The following PDE1C variants were observed in gnomAD, a reference collection of about 807,000 sequenced individuals.
PDE1C encodes the protein dual specificity calcium/calmodulin-dependent 3',5'-cyclic nucleotide phosphodiesterase 1C.
In PDE1C, 62 loss-of-function variants were observed where a neutral mutation model predicts 93.1. The ratio of observed to expected loss-of-function variants is 0.67; its 90% CI spans 0.54 to 0.82. The LOEUF (loss-of-function observed/expected upper bound fraction) is 0.82, where lower values mean the gene tolerates loss of function less well. Among genes scored for constraint, PDE1C ranks in the 40% least tolerant of loss-of-function variants. The pLI, the probability that PDE1C is intolerant of heterozygous loss-of-function variation, is 0.00. For missense variants in PDE1C, 742 were observed against 884.6 expected (o/e 0.84, Z 2.04); for synonymous variants, 325 against 310.1 (o/e 1.05, Z -0.50).
chr7:31,621,721 ACAT>A, the PDE1C span, among the ~76,000 whole-genome samples: 3 of 146,846 alleles, frequency 2.0e-5, no homozygotes, highest in African/African-American at 7.7e-5. Flanking sequence ...TAACCAGCTA[ACAT>A]CATAATGACA....
At chr7:31,646,663 T>C in the PDE1C span, among the ~76,000 whole-genome samples, 3 of 152,102 alleles carry the variant, frequency 2.0e-5, no homozygotes, top group African/African-American at 7.2e-5. Flanking sequence ...CAGCTGGAAA[T>C]AGATGTTCCT....
chr7:31,844,999 T>A (rs557709842), intron 9 of PDE1C, among the ~76,000 whole-genome samples: 1 of 152,236 alleles, frequency 6.6e-6, no homozygotes, highest in African/African-American at 2.4e-5. Flanking sequence ...AACTTTGTTT[T>A]TAATTTATGT....
At chr7:31,675,402 C>A in the PDE1C span, among the ~76,000 whole-genome samples, 1 of 152,078 alleles carries the variant, frequency 6.6e-6, no homozygotes, top group Admixed American at 6.5e-5. Context: ...ATTAACTCCC[C>A]CTTTGAAACC....
intron 3 of PDE1C, among the ~76,000 whole-genome samples, chr7:32,100,357 T>C (rs931693791): frequency 6.6e-6 from 1 of 152,234 alleles, no homozygotes; most frequent in Non-Finnish European, 1.5e-5. Flanking sequence ...AGTCATCCAG[T>C]GCCATAAATT....
chr7:31,679,893 C>T, the PDE1C span, among the ~76,000 whole-genome samples: 1 of 152,130 alleles, frequency 6.6e-6, no homozygotes. Context: ...TTCTCAGAAT[C>T]TGGGCAATTC....
intron 2 of PDE1C, among the ~76,000 whole-genome samples, chr7:31,906,475 T>C (rs1800597373): frequency 6.7e-6 from 1 of 148,962 alleles, no homozygotes; most frequent in East Asian, 2.0e-4. Context: ...GTGAGGTACA[T>C]TTCCTTTGGG....
rs150635338 is a variant in PDE1C at position 32,094,878 on chromosome 7, AAC to A, written c.308+74905_308+74906del. On this transcript the variant is annotated intron_variant, in intron 3 of 18. Transcript: ENST00000396193. Reference sequence around the variant, plus strand: ...CCTCACCAGCCCTGCAAACTTGTCTAACCTCCAACCACACTGCTTGGAGTTCA... The same window carrying A: ...CCTCACCAGCCCTGCAAACTTGTCTACTCCAACCACACTGCTTGGAGTTCA... Among the ~76,000 whole-genome samples, 590 of 152,226 alleles carry A rather than the reference AAC, an allele frequency of 3.9e-3. 6 individuals are homozygous for A. The highest frequency in any genetic ancestry group is 0.014 in the African/African-American group (572 of 41,540).
intron 1 of PDE1C, among the ~76,000 whole-genome samples, chr7:32,265,996 C>T (rs569921545): frequency 2.6e-5 from 4 of 151,520 alleles, no homozygotes; most frequent in Non-Finnish European, 2.9e-5. Context: ...CAAAGGTGGC[C>T]GGGCGCGGTG....
At chr7:32,065,694 G>A (rs954232284) in intron 1 of PDE1C, among the ~76,000 whole-genome samples, 1 of 152,102 alleles carries the variant, frequency 6.6e-6, no homozygotes, top group Non-Finnish European at 1.5e-5. Context: ...TTAAAAGTTC[G>A]GTTATATAGA....
intron 2 of PDE1C, among the ~76,000 whole-genome samples, chr7:31,957,126 C>T (rs60949052): frequency 0.14 from 21,149 of 150,096 alleles, 3,042 homozygotes; most frequent in African/African-American, 0.37. Context: ...GGTATTCAAA[C>T]AGAAATTTAA....
the PDE1C span, among the ~76,000 whole-genome samples, chr7:31,655,079 C>T: frequency 1.3e-5 from 2 of 152,280 alleles, no homozygotes; most frequent in East Asian, 1.9e-4. Context: ...GACCCTGATT[C>T]CCAGCTCTCT....
intron 2 of PDE1C, among the ~76,000 whole-genome samples, chr7:31,882,176 T>C (rs1797337531): frequency 6.6e-6 from 1 of 152,130 alleles, no homozygotes; most frequent in African/African-American, 2.4e-5. Context: ...ACAAATAACA[T>C]TAGATTCAGG....
At chr7:31,930,944 A>G (rs1804144759) in intron 2 of PDE1C, among the ~76,000 whole-genome samples, 1 of 152,034 alleles carries the variant, frequency 6.6e-6, no homozygotes, top group African/African-American at 2.4e-5. Context: ...ATGAAAATCA[A>G]TAAACGTAAT....
intron 3 of PDE1C, among the ~76,000 whole-genome samples, chr7:32,106,326 A>C (rs1340609542): frequency 6.6e-6 from 1 of 152,166 alleles, no homozygotes; most frequent in Non-Finnish European, 1.5e-5. Context: ...TTATAGGTGC[A>C]AGCCACTATG....
chr7:31,815,002 A>G (rs1466075585), intron 15 of PDE1C, among the ~76,000 whole-genome samples: 1 of 151,856 alleles, frequency 6.6e-6, no homozygotes, highest in East Asian at 2.0e-4. Flanking sequence ...AACCAAATCA[A>G]AGCCCTGTGT....
intron 1 of PDE1C, among the ~76,000 whole-genome samples, chr7:32,267,081 A>T (rs763158943): frequency 8.5e-5 from 13 of 152,176 alleles, no homozygotes; most frequent in Non-Finnish European, 1.2e-4. Flanking sequence ...TTTCCCTGCC[A>T]CCTGGCCAAG....
chr7:31,693,040 G>A, the PDE1C span, among the ~76,000 whole-genome samples: 1 of 151,952 alleles, frequency 6.6e-6, no homozygotes, highest in Non-Finnish European at 1.5e-5. Flanking sequence ...CATTTCTGCC[G>A]CTACCCATTT....
the PDE1C span, among the ~76,000 whole-genome samples, chr7:31,675,736 C>T: frequency 6.6e-6 from 1 of 151,130 alleles, no homozygotes; most frequent in Non-Finnish European, 1.5e-5. Flanking sequence ...TTGGTTAGGG[C>T]TAAAAATGTG....
chr7:32,065,230 A>G (rs1795262635), intron 1 of PDE1C, among the ~76,000 whole-genome samples: 1 of 152,216 alleles, frequency 6.6e-6, no homozygotes, highest in East Asian at 1.9e-4. Flanking sequence ...AGTTAAGTGC[A>G]AGCAGCTTTG....
Sources: allele counts gnomAD v4.1 joint callset (sites outside exome capture counted in the v4.1 genomes callset), GRCh38; gene constraint gnomAD v4.1.1; transcripts MANE v1.5; gene names NCBI Gene and HGNC (gene_info 2026-07-23, HGNC 2026-07-21).